ATP6V1A: variants seen among roughly 807,000 people sequenced by gnomAD.
The protein encoded by ATP6V1A is V-type proton ATPase catalytic subunit A.
In ATP6V1A, 18 loss-of-function variants were observed where a neutral mutation model predicts 70.1. The ratio of observed to expected loss-of-function variants is 0.26; its 90% CI spans 0.18 to 0.38. The LOEUF (loss-of-function observed/expected upper bound fraction) is 0.38, where lower values mean the gene tolerates loss of function less well. Among genes scored for constraint, ATP6V1A ranks in the 10% least tolerant of loss-of-function variants. ATP6V1A has a pLI of 1.00. For missense variants in ATP6V1A, 424 were observed against 772.4 expected (o/e 0.55, Z 5.35); for synonymous variants, 232 against 253.8 (o/e 0.91, Z 0.82).
intron 12 of ATP6V1A, among the ~76,000 whole-genome samples, chr3:113,800,587 C>G (rs1444575073): frequency 6.6e-6 from 1 of 152,126 alleles, no homozygotes; most frequent in African/African-American, 2.4e-5. Context: ...GGATTGTTCT[C>G]TAATTCCACA....
chr3:113,753,308 T>C (rs1708609664), intron 1 of ATP6V1A, among the ~76,000 whole-genome samples: 1 of 152,222 alleles, frequency 6.6e-6, no homozygotes, highest in South Asian at 2.1e-4. Flanking sequence ...CAGGGATATG[T>C]GGAGAAGGAT....
At position 113,761,013 on chromosome 3, in the gene ATP6V1A, G is replaced by T. The variant is rs768966849; in HGVS notation, c.-14+13900G>T. On this transcript the variant is annotated intron_variant, in intron 1 of 14. Transcript: ENST00000273398. ...ATCCGGGAGGGGGAGGTTGCAGTGAGCCTAAATCGCGCCACTGCACTCCAG... is the reference window on the plus strand; with the variant it reads ...ATCCGGGAGGGGGAGGTTGCAGTGATCCTAAATCGCGCCACTGCACTCCAG... Among the ~76,000 whole-genome samples, 297 of 152,004 alleles carry T rather than the reference G, an allele frequency of 2.0e-3. 1 individual carries two copies. Among genetic ancestry groups the T allele is most frequent in the Non-Finnish European group, 3.0e-3 (201 of 67,956 alleles).
intron 3 of ATP6V1A, among the ~76,000 whole-genome samples, chr3:113,782,637 T>C (rs972240381): frequency 1.3e-5 from 2 of 149,582 alleles, no homozygotes; most frequent in Non-Finnish European, 3.0e-5. Context: ...GTTTGTTTGC[T>C]TTTTGAGACA....
chr3:113,788,236 A>G (rs2108032877), intron 6 of ATP6V1A, among the ~76,000 whole-genome samples: 1 of 151,974 alleles, frequency 6.6e-6, no homozygotes, highest in East Asian at 1.9e-4. Flanking sequence ...TTCTTTTCAT[A>G]TATCCCTCTT....
At chr3:113,799,577 T>C (rs1270503443) in intron 12 of ATP6V1A, among the ~76,000 whole-genome samples, 1 of 152,116 alleles carries the variant, frequency 6.6e-6, no homozygotes, top group Non-Finnish European at 1.5e-5. Flanking sequence ...TAACCAATGA[T>C]GTAAGAAGAG....
At chr3:113,764,745 C>G (rs1426523895) in intron 1 of ATP6V1A, among the ~76,000 whole-genome samples, 1 of 152,020 alleles carries the variant, frequency 6.6e-6, no homozygotes, top group African/African-American at 2.4e-5. Flanking sequence ...TTTACAATTA[C>G]TTTTCCCCCT....
At chr3:113,782,707 T>C (rs1708993367) in intron 3 of ATP6V1A, among the ~76,000 whole-genome samples, 1 of 151,402 alleles carries the variant, frequency 6.6e-6, no homozygotes, top group Non-Finnish European at 1.5e-5. Flanking sequence ...TACTGCAACC[T>C]CCGCCTCCCA....
At chr3:113,770,110 G>A (rs193233649) in intron 1 of ATP6V1A, among the ~76,000 whole-genome samples, 41 of 151,846 alleles carry the variant, frequency 2.7e-4, no homozygotes, top group Admixed American at 1.4e-3. Context: ...GTGCAGTGGA[G>A]CAATCTCCAG....
At chr3:113,778,423 A>G (rs1296246927) in intron 1 of ATP6V1A, among the ~76,000 whole-genome samples, 4 of 151,282 alleles carry the variant, frequency 2.6e-5, no homozygotes, top group African/African-American at 4.9e-5. Flanking sequence ...CAAACAAAAA[A>G]CTAGTTGGGC....
chr3:113,755,702 T>A (rs995059587), intron 1 of ATP6V1A, among the ~76,000 whole-genome samples: 1 of 152,226 alleles, frequency 6.6e-6, no homozygotes, highest in Non-Finnish European at 1.5e-5. Flanking sequence ...ATTCATTTAC[T>A]CATCCAACAA....
At chr3:113,778,098 T>C (rs1158482636) in intron 1 of ATP6V1A, among the ~76,000 whole-genome samples, 1 of 152,116 alleles carries the variant, frequency 6.6e-6, no homozygotes, top group Non-Finnish European at 1.5e-5. Flanking sequence ...AACTACATTT[T>C]AGGAATTTTG....
intron 8 of ATP6V1A, among the ~76,000 whole-genome samples, chr3:113,794,409 T>C (rs750642380): frequency 3.3e-5 from 5 of 152,232 alleles, no homozygotes; most frequent in Non-Finnish European, 5.9e-5. Flanking sequence ...CCAGCTAGGC[T>C]ATGGCATCAA....
intron 1 of ATP6V1A, among the ~76,000 whole-genome samples, chr3:113,761,294 T>C (rs1708702410): frequency 6.6e-6 from 1 of 152,008 alleles, no homozygotes; most frequent in Non-Finnish European, 1.5e-5. Context: ...GTTGATGCTG[T>C]CTCTTTTTTG....
chr3:113,764,998 G>GA (rs36088874), intron 1 of ATP6V1A, among the ~76,000 whole-genome samples: 43,774 of 113,266 alleles, frequency 0.39, 7,103 homozygotes, highest in East Asian at 0.42. Context: ...TGTCTTAATT[G>GA]AAAAAAAAAA....
intron 8 of ATP6V1A, among the ~76,000 whole-genome samples, chr3:113,791,654 A>G (rs1709093566): frequency 6.6e-6 from 1 of 151,836 alleles, no homozygotes; most frequent in Non-Finnish European, 1.5e-5. Context: ...AAGCTATTTT[A>G]CTCTTCTTGC....
Position 113,784,305 on chromosome 3 carries a change from T to C in ATP6V1A, c.293T>C (p.Ile98Thr). 1 of 1,614,152 alleles carries C rather than the reference T, an allele frequency of 6.2e-7. No individual in the cohort carries two copies. ...CTTGGTCCTGGCATTATGGGAGCCA[T>C]TTTTGATGGTATTCAAAGACCTTTG... is the stretch of plus-strand genomic sequence containing the variant. ...VELGPGIMGAIFDGIQRPLSD... is the reference protein window; with the variant it reads ...VELGPGIMGATFDGIQRPLSD... The change falls in exon 4 of 15, where the codon ATT becomes ACT. Residue 98 changes from isoleucine (I) to threonine (T), a missense_variant. By Grantham distance (89) the Ile-to-Thr change is moderately conservative. Coordinates refer to ENST00000273398, the MANE Select transcript of ATP6V1A (RefSeq NM_001690.4).
chr3:113,792,902 A>C (rs996475602), intron 8 of ATP6V1A, among the ~76,000 whole-genome samples: 1 of 152,224 alleles, frequency 6.6e-6, no homozygotes, highest in Non-Finnish European at 1.5e-5. Flanking sequence ...TTCTTGCTTT[A>C]TTAGATACCT....
At position 113,809,486 on chromosome 3, in the gene ATP6V1A, T is replaced by C. The variant is rs961380180; in HGVS notation, c.*59T>C. The C allele has an allele frequency of 2.7e-6, 4 of 1,458,756 alleles. No homozygotes were observed. The highest frequency in any genetic ancestry group is 2.8e-5 in the African/African-American group (2 of 70,414). The allele number at this position is 1,458,756 out of a possible 1,614,324, so 90.4% of individuals were successfully genotyped here. A position where few individuals can be genotyped will look rare whatever the true frequency, so the allele number is the denominator to read the frequency against. On this transcript the variant is annotated 3_prime_UTR_variant, in exon 15 of 15. Coordinates refer to ENST00000273398, the MANE Select transcript of ATP6V1A (RefSeq NM_001690.4). ...CCTCAGCAAGCTCCTATGTGTATAT[T>C]TTCCTGAATTTCTCATCTCAAACCC...
intron 12 of ATP6V1A, among the ~76,000 whole-genome samples, chr3:113,799,251 T>C (rs1375012819): frequency 2.6e-5 from 4 of 152,068 alleles, no homozygotes; most frequent in African/African-American, 9.7e-5. Flanking sequence ...AAATGATACA[T>C]CATAAGCAAG....
Sources: gnomAD v4.1 joint callset for allele counts (sites outside exome capture counted in the v4.1 genomes callset) on GRCh38, gnomAD v4.1.1 for gene constraint, MANE v1.5 for transcripts, NCBI Gene and HGNC (gene_info 2026-07-23, HGNC 2026-07-21) for gene names.